PHYKPL: variants seen among roughly 807,000 people sequenced by gnomAD.
PHYKPL encodes 5-phosphonooxy-L-lysine phospho-lyase.
Under a neutral mutation model 51.3 loss-of-function variants are expected in PHYKPL, and 42 were observed. The ratio of observed to expected loss-of-function variants is 0.82; its 90% CI spans 0.64 to 1.06. PHYKPL has a LOEUF of 1.06. Among genes scored for constraint, PHYKPL ranks in the 50% least tolerant of loss-of-function variants. The pLI is 0.00. For missense variants in PHYKPL, 655 were observed against 586.6 expected, an observed-to-expected ratio of 1.12 and a Z score of -1.20; for synonymous variants, 264 against 236.0, an observed-to-expected ratio of 1.12 and a Z score of -1.09.
intron 3 of PHYKPL, among the ~76,000 whole-genome samples, chr5:178,227,866 G>A (rs976415932): frequency 9.2e-5 from 14 of 152,198 alleles, no homozygotes; most frequent in Admixed American, 7.9e-4. Context: ...GGAGTTAAGA[G>A]GCATCATGGA....
In PHYKPL at chr5:178,222,496, G is replaced by A. The variant is rs760851143; in HGVS notation, c.786C>T (p.Phe262=). The change falls in exon 8 of 13, where the codon TTC becomes TTT. Residue 262 remains phenylalanine (F), a synonymous_variant. Transcript: ENST00000308158. The part of the protein sequence containing the change: ...FGRVGKHFWA[F]QLQGKDFVPD... Reference sequence around the variant, plus strand: ...GGACGAAGTCTTTTCCCTGGAGCTGGAAGGCCCAGAAGTGCTTGCCTACCC... The same window carrying A: ...GGACGAAGTCTTTTCCCTGGAGCTGAAAGGCCCAGAAGTGCTTGCCTACCC... 2 of 1,614,258 alleles carry A rather than the reference G, an allele frequency of 1.2e-6. No individual in the cohort carries two copies. The highest frequency in any genetic ancestry group is 1.7e-6 in the Non-Finnish European group (2 of 1,180,050).
rs1478835466 is a variant in PHYKPL at position 178,208,885 on chromosome 5, A to G, written c.*62T>C. ...GAGGGAGGTCAGGCTCGCCTTCTCA[A>G]TAGCGTGTATTTGGATGAGATGAGT... is the stretch of plus-strand genomic sequence containing the variant. On this transcript the variant is annotated 3_prime_UTR_variant, in exon 13 of 13. Coordinates refer to ENST00000308158, the MANE Select transcript of PHYKPL (RefSeq NM_153373.4). 2 of 155,486 alleles carry G rather than the reference A, an allele frequency of 1.3e-5. No homozygotes were observed. The highest frequency in any genetic ancestry group is 1.4e-5 in the Non-Finnish European group (1 of 69,990). The allele number at this position is 155,486 out of a possible 1,614,324, so 9.6% of individuals were successfully genotyped here.
rs561487201 is a variant in PHYKPL at position 178,225,221 on chromosome 5, G to A, written c.413+134C>T. On this transcript the variant is annotated intron_variant, in intron 4 of 12. Coordinates refer to ENST00000308158, the MANE Select transcript of PHYKPL (RefSeq NM_153373.4). ...TGGGAGGTCTCAGGCCTGGTCCTCT[G>A]CCTGCCACACTTGTCTTCAGTAGCC... The A allele has an allele frequency of 3.6e-4, 368 of 1,020,414 alleles. 5 individuals are homozygous for A. In the South Asian group the frequency reaches 5.4e-3, roughly 15 times the overall value. 63.2% of individuals were successfully genotyped at this position (1,020,414 alleles called of 1,614,324 possible). A position where few individuals can be genotyped will look rare whatever the true frequency, so the allele number is the denominator to read the frequency against.
rs147023998 is a variant in PHYKPL at position 178,222,404 on chromosome 5, T to C, written c.878A>G (p.Gln293Arg). ...GHPVACVAAT[Q>R]PVARAFEATG... The stretch of plus-strand genomic sequence containing the variant: ...GGCTTCAAATGCCCTCGCCACAGGC[T>C]GGGTTGCGGCCACGCAGGCAACAGG... The change falls in exon 8 of 13, where the codon CAG becomes CGG. Residue 293 changes from glutamine to arginine, a missense_variant. By Grantham distance (43) the Gln-to-Arg change is conservative. Transcript: ENST00000308158. The C allele has an allele frequency of 1.6e-5, 26 of 1,614,072 alleles. No individual in the cohort carries two copies. Among genetic ancestry groups the C allele is most frequent in the African/African-American group, 2.7e-5 (2 of 74,942 alleles).
chr5:178,230,147 C>A (rs750650329), intron 2 of PHYKPL, 48 bp from the exon 3 acceptor site: 9 of 1,605,496 alleles, frequency 5.6e-6, no homozygotes, highest in Middle Eastern at 1.8e-4. Context: ...CTCAGCCAGT[C>A]CCACTGGGCC....
intron 2 of PHYKPL, 30 bp from the exon 3 acceptor site, chr5:178,230,129 T>C (rs761121864): frequency 1.2e-6 from 2 of 1,611,238 alleles, no homozygotes; most frequent in Non-Finnish European, 1.7e-6. Flanking sequence ...GTCACACGGC[T>C]GGCTCCACTC....
At chr5:178,215,514 C>T (rs1374464234) in intron 8 of PHYKPL, 84 bp from the exon 9 acceptor site, 1 of 1,483,102 alleles carries the variant, frequency 6.7e-7, no homozygotes, top group Non-Finnish European at 9.0e-7. Context: ...AGAACTGCCA[C>T]ACGTGTTCCA....
chr5:178,207,542 G>A (rs940242127), downstream of PHYKPL, among the ~76,000 whole-genome samples: 3 of 152,058 alleles, frequency 2.0e-5, no homozygotes, highest in African/African-American at 7.2e-5. Flanking sequence ...TTGAGTCCAG[G>A]GGTATGAAGC....
chr5:178,210,508 C>CAAATGCTTGTA (rs1554104037), intron 12 of PHYKPL: 1 of 1,583,210 alleles, frequency 6.3e-7, no homozygotes, highest in Non-Finnish European at 8.7e-7. Context: ...TGGCACAGGG[C>CAAATGCTTGTA]AAATGCTTGT....
chr5:178,210,512 T>TGCTTGTA (rs746110364), intron 12 of PHYKPL: 1 of 1,594,600 alleles, frequency 6.3e-7, no homozygotes, highest in East Asian at 2.2e-5. Context: ...ACAGGGCAAA[T>TGCTTGTA]GCTTGTAAAT....
intron 8 of PHYKPL, among the ~76,000 whole-genome samples, chr5:178,221,432 C>T (rs1042449130): frequency 6.6e-6 from 1 of 152,132 alleles, no homozygotes; most frequent in Non-Finnish European, 1.5e-5. Context: ...TCCACTCATC[C>T]TCCACGCTGT....
chr5:178,218,555 G>A (rs985399678), intron 8 of PHYKPL, among the ~76,000 whole-genome samples: 1 of 152,182 alleles, frequency 6.6e-6, no homozygotes, highest in Admixed American at 6.5e-5. Flanking sequence ...ACAGCGAGAA[G>A]CTGGCTGTCA....
intron 3 of PHYKPL, 31 bp from the exon 4 acceptor site, chr5:178,225,460 G>A (rs1379564360): frequency 1.9e-6 from 3 of 1,612,176 alleles, no homozygotes; most frequent in South Asian, 1.1e-5. Flanking sequence ...ATGACTGAGA[G>A]AGTAGTCTAA....
At chr5:178,223,030 GT>G in intron 6 of PHYKPL, 96 bp from the exon 7 acceptor site, 1 of 1,152,294 alleles carries the variant, frequency 8.7e-7, no homozygotes, top group Non-Finnish European at 1.3e-6. Flanking sequence ...AGCAAGACAA[GT>G]CACCATCAGT....
chr5:178,229,356 C>A (rs542409190), intron 3 of PHYKPL, among the ~76,000 whole-genome samples: 3 of 152,306 alleles, frequency 2.0e-5, no homozygotes, highest in African/African-American at 7.2e-5. Flanking sequence ...GATCCGCCCA[C>A]CTCGATCTCC....
intron 8 of PHYKPL, chr5:178,216,198 G>T (rs1759746277): frequency 6.6e-6 from 1 of 152,166 alleles, no homozygotes; most frequent in Non-Finnish European, 1.5e-5. Context: ...GTTACTATGA[G>T]ATGGCTACAG....
chr5:178,230,390 C>CT, intron 2 of PHYKPL: 1 of 329,836 alleles, frequency 3.0e-6, no homozygotes, highest in Non-Finnish European at 5.6e-6. Flanking sequence ...GGGCCTTACT[C>CT]TGTCACCCAG....
intron 10 of PHYKPL, 94 bp from the exon 11 acceptor site, chr5:178,213,197 G>A: frequency 6.5e-7 from 1 of 1,528,100 alleles, no homozygotes; most frequent in Non-Finnish European, 8.9e-7. Flanking sequence ...ACTGTCCTCA[G>A]AGCCTTCCAT....
intron 3 of PHYKPL, among the ~76,000 whole-genome samples, chr5:178,229,360 G>T (rs947630347): frequency 1.7e-4 from 26 of 152,194 alleles, no homozygotes; most frequent in African/African-American, 6.3e-4. Flanking sequence ...CGCCCACCTC[G>T]ATCTCCCGAA....
Sources: allele counts gnomAD v4.1 joint callset (sites outside exome capture counted in the v4.1 genomes callset), GRCh38; gene constraint gnomAD v4.1.1; transcripts MANE v1.5; gene names NCBI Gene and HGNC (gene_info 2026-07-23, HGNC 2026-07-21).